Variants in CEP192 observed in about 807,000 individuals in gnomAD.
The protein encoded by CEP192 is centrosomal protein 192.
Under a neutral mutation model 271.8 loss-of-function variants are expected in CEP192, and 151 were observed. That is an observed-to-expected ratio of 0.56 (90% CI 0.49 to 0.64). The LOEUF is 0.64. CEP192 is among the 30% of genes least tolerant of loss of function. The pLI, the probability that CEP192 is intolerant of heterozygous loss-of-function variation, is 0.00. For missense variants in CEP192, 2,910 were observed against 3,020.5 expected, an observed-to-expected ratio of 0.96 and a Z score of 0.86; for synonymous variants, 995 against 1,076.5, an observed-to-expected ratio of 0.92 and a Z score of 1.48.
At position 13,069,329 on chromosome 18, in the gene CEP192, G is replaced by A. The variant is rs143752663; in HGVS notation, c.5055+148G>A. On this transcript the variant is annotated intron_variant, in intron 26 of 44. Coordinates refer to ENST00000506447, the MANE Select transcript of CEP192 (RefSeq NM_032142.4). ...ATCGCTGAGAGTTTTTAAAAACTGG[G>A]TGTTATATAGCATAAAATATATGCT... The A allele has an allele frequency of 3.5e-4, 233 of 658,718 alleles. No homozygotes were observed. In the East Asian group the frequency reaches 5.8e-3, roughly 16 times the overall value. 40.8% of individuals were successfully genotyped at this position (658,718 alleles called of 1,614,324 possible).
At chr18:13,094,997 A>G (rs146680902) in intron 34 of CEP192, among the ~76,000 whole-genome samples, 2,229 of 151,370 alleles carry the variant, frequency 0.015, 35 homozygotes, top group Middle Eastern at 0.052. Context: ...TGTTCCCTGC[A>G]AGTCCCAGTG....
chr18:13,099,438 C>G (rs1329999570), intron 36 of CEP192, 38 bp from the exon 37 acceptor site: 2 of 1,025,900 alleles, frequency 1.9e-6, no homozygotes, highest in South Asian at 2.8e-5. Context: ...TGTTAAAATG[C>G]AGGCTCTTTT....
intron 8 of CEP192, 64 bp downstream of exon 8, chr18:13,018,679 A>G: frequency 8.8e-7 from 1 of 1,136,416 alleles, no homozygotes. Context: ...TTTTTTAAAA[A>G]AAAAATATTT....
intron 21 of CEP192, among the ~76,000 whole-genome samples, chr18:13,065,823 T>A (rs747704718): frequency 6.6e-6 from 1 of 152,232 alleles, no homozygotes; most frequent in African/African-American, 2.4e-5. Context: ...CTGGGGGTAC[T>A]ACAGGGTTGG....
At chr18:13,069,210 A>G (rs1202268290) in intron 26 of CEP192, 29 bp downstream of exon 26, 3 of 1,570,544 alleles carry the variant, frequency 1.9e-6, no homozygotes, top group East Asian at 2.2e-5. Context: ...GTGCCATAAG[A>G]TAGTCTTTCC....
chr18:13,015,669 T>A (rs1279651279), intron 6 of CEP192, among the ~76,000 whole-genome samples: 1 of 151,734 alleles, frequency 6.6e-6, no homozygotes, highest in Non-Finnish European at 1.5e-5. Flanking sequence ...CAGTTTAACA[T>A]AGTTAGGGTA....
chr18:13,086,134 C>G (rs796264936), intron 30 of CEP192, among the ~76,000 whole-genome samples: 39 of 152,212 alleles, frequency 2.6e-4, no homozygotes, highest in African/African-American at 9.1e-4. Context: ...GTTCTTTATT[C>G]TCTTTGTAGC....
At chr18:13,036,918 T>C (rs757051429) in intron 11 of CEP192, among the ~76,000 whole-genome samples, 2 of 152,230 alleles carry the variant, frequency 1.3e-5, no homozygotes, top group Non-Finnish European at 2.9e-5. Flanking sequence ...CCAGCATTCA[T>C]GGATGAGTGC....
chr18:13,096,383 G>A, intron 36 of CEP192, 76 bp downstream of exon 36: 1 of 1,556,318 alleles, frequency 6.4e-7, no homozygotes. Flanking sequence ...CAAATAATAT[G>A]TCATTGTAGT....
At chr18:13,007,018 C>T (rs553722606) in intron 3 of CEP192, among the ~76,000 whole-genome samples, 98 of 152,244 alleles carry the variant, frequency 6.4e-4, no homozygotes, top group African/African-American at 2.1e-3. Flanking sequence ...CTGCCCTCCC[C>T]GACTCCCTTC....
rs78187468 is a variant in CEP192, at chr18:13,058,616, G to A, written c.4258-466G>A. ...GCAGTGTTGTCTATGGAAGTGGGGA[G>A]TAGAAAAGAAGATCCCCATTGACAG... On this transcript the variant is annotated intron_variant, in intron 20 of 44. Coordinates refer to ENST00000506447, the MANE Select transcript of CEP192 (RefSeq NM_032142.4). 1.2e-4 allele frequency: 20 copies of A among 164,486 alleles called. No individual in the cohort carries two copies. In the East Asian group the frequency reaches 3.4e-3, roughly 28 times the overall value. The allele number at this position is 164,486 out of a possible 1,614,324, so 10.2% of individuals were successfully genotyped here. A position where few individuals can be genotyped will look rare whatever the true frequency, so the allele number is the denominator to read the frequency against.
intron 3 of CEP192, among the ~76,000 whole-genome samples, chr18:13,005,332 G>T (rs1285363387): frequency 6.6e-6 from 1 of 152,186 alleles, no homozygotes; most frequent in African/African-American, 2.4e-5. Context: ...GAAGGGTTTT[G>T]TTTGTTGGGG....
chr18:13,044,545 C>T (rs1319534532), intron 15 of CEP192, among the ~76,000 whole-genome samples: 1 of 152,120 alleles, frequency 6.6e-6, no homozygotes, highest in Admixed American at 6.5e-5. Context: ...TTGCCGAGTG[C>T]TTCTCTAGAT....
chr18:13,032,734 C>T (rs1568309715), intron 11 of CEP192, among the ~76,000 whole-genome samples: 1 of 152,222 alleles, frequency 6.6e-6, no homozygotes, highest in African/African-American at 2.4e-5. Flanking sequence ...CCCAAATTCT[C>T]AAATTCCCAT....
At chr18:13,121,025 A>G (rs752078293) in intron 44 of CEP192, among the ~76,000 whole-genome samples, 6 of 152,222 alleles carry the variant, frequency 3.9e-5, no homozygotes, top group South Asian at 2.1e-4. Flanking sequence ...AACCCCAGTG[A>G]CAGTTCTTAC....
chr18:13,060,044 A>G (rs1192673199), intron 21 of CEP192, among the ~76,000 whole-genome samples: 3 of 152,240 alleles, frequency 2.0e-5, no homozygotes, highest in Non-Finnish European at 4.4e-5. Context: ...GAGGAAAAGC[A>G]GAACAGGTCT....
At chr18:13,016,035 C>T (rs140802536) in intron 6 of CEP192, among the ~76,000 whole-genome samples, 23 of 152,256 alleles carry the variant, frequency 1.5e-4, no homozygotes, top group African/African-American at 5.1e-4. Flanking sequence ...CGTGAGCCAT[C>T]GCGCCTGGCC....
At chr18:13,117,498 CTG>C in intron 43 of CEP192, 85 bp from the exon 44 acceptor site, 1 of 920,676 alleles carries the variant, frequency 1.1e-6, no homozygotes, top group Non-Finnish European at 1.7e-6. Context: ...CAAAATGTAT[CTG>C]TAATAAATAA....
chr18:13,067,875 T>C lies in CEP192; in HGVS notation c.4533T>C (p.Thr1511=), dbSNP rs2037794711. ...KKDVLDFGDL[T]YGGWKALPLK... The stretch of plus-strand genomic sequence containing the variant: ...ACGTTCTTGATTTTGGTGACTTGAC[T>C]TATGGAGGCTGGAAAGCCCTCCCAC... The change falls in exon 22 of 45, where the codon ACT becomes ACC. Residue 1511 remains threonine, a synonymous_variant. Transcript: ENST00000506447. 2.5e-6 allele frequency: 4 copies of C among 1,612,944 alleles called. No individual in the cohort carries two copies. The highest frequency in any genetic ancestry group is 2.5e-6 in the Non-Finnish European group (3 of 1,178,924).
Sources: allele counts gnomAD v4.1 joint callset (sites outside exome capture counted in the v4.1 genomes callset), GRCh38; gene constraint gnomAD v4.1.1; transcripts MANE v1.5; gene names NCBI Gene and HGNC (gene_info 2026-07-23, HGNC 2026-07-21).